DAB1: variants seen among roughly 807,000 people sequenced by gnomAD.
DAB1 encodes disabled homolog 1.
A neutral mutation model predicts 64.6 loss-of-function variants in DAB1; 15 were observed. That is an observed-to-expected ratio of 0.23 (90% confidence interval 0.16 to 0.36). The LOEUF (loss-of-function observed/expected upper bound fraction) is 0.36. DAB1 is among the 10% of genes least tolerant of loss of function. DAB1 has a pLI of 1.00. For synonymous variants in DAB1, 235 were observed against 251.9 expected (o/e 0.93, Z 0.64); for missense variants, 596 against 706.7 (o/e 0.84, Z 1.78).
chr1:57,020,132 T>C (rs112986234), intron 11 of DAB1, among the ~76,000 whole-genome samples: 3 of 152,196 alleles, frequency 2.0e-5, no homozygotes, highest in African/African-American at 7.2e-5. Context: ...TCTTACCCTG[T>C]GCAGCTTACA....
At chr1:57,494,598 T>C (rs1644207413) in intron 7 of DAB1, among the ~76,000 whole-genome samples, 1 of 152,214 alleles carries the variant, frequency 6.6e-6, no homozygotes, top group Non-Finnish European at 1.5e-5. Context: ...GGGCTGCTCC[T>C]CGAGGTAAAC....
chr1:57,563,957 G>A (rs1254706526), intron 7 of DAB1, among the ~76,000 whole-genome samples: 1 of 152,128 alleles, frequency 6.6e-6, no homozygotes, highest in Non-Finnish European at 1.5e-5. Context: ...TCCCAGCAAG[G>A]AGTTTGAGAT....
chr1:57,965,440 G>A (rs17486734), intron 5 of DAB1, among the ~76,000 whole-genome samples: 10,064 of 152,118 alleles, frequency 0.066, 472 homozygotes, highest in Non-Finnish European at 0.089. Context: ...TGGCCTCTTC[G>A]TAACAAAATC....
At chr1:57,395,846 CT>C (rs1392443104) in intron 1 of DAB1, among the ~76,000 whole-genome samples, 14 of 151,876 alleles carry the variant, frequency 9.2e-5, no homozygotes, top group African/African-American at 3.4e-4. Flanking sequence ...GGCTATCTGA[CT>C]CAATTTTACT....
At chr1:57,593,245 T>A (rs1645467118) in intron 7 of DAB1, among the ~76,000 whole-genome samples, 1 of 152,216 alleles carries the variant, frequency 6.6e-6, no homozygotes. Context: ...TTCATATAAG[T>A]GGAATTATGC....
intron 5 of DAB1, among the ~76,000 whole-genome samples, chr1:57,913,165 G>C (rs1018411030): frequency 6.6e-6 from 1 of 152,232 alleles, no homozygotes. Flanking sequence ...CACAAAGCTG[G>C]AGGCATCATG....
At chr1:57,618,096 C>T (rs990456383) in intron 7 of DAB1, among the ~76,000 whole-genome samples, 2 of 152,198 alleles carry the variant, frequency 1.3e-5, no homozygotes, top group East Asian at 1.9e-4. Flanking sequence ...GCAGACTCCA[C>T]TGATACAGGA....
intron 7 of DAB1, among the ~76,000 whole-genome samples, chr1:57,487,233 A>C (rs915629375): frequency 1.1e-4 from 17 of 152,310 alleles, no homozygotes; most frequent in Admixed American, 9.8e-4. Context: ...GACCTGAGTG[A>C]TACCCACTGG....
intron 1 of DAB1, among the ~76,000 whole-genome samples, chr1:57,421,905 G>GC (rs1684923570): frequency 2.0e-5 from 2 of 100,432 alleles, no homozygotes; most frequent in Non-Finnish European, 4.3e-5. Flanking sequence ...GGGGTGGCGG[G>GC]GGGGGGGGTG....
chr1:57,538,681 T>C (rs1644759769), intron 7 of DAB1, among the ~76,000 whole-genome samples: 2 of 152,168 alleles, frequency 1.3e-5, no homozygotes, highest in South Asian at 2.1e-4. Flanking sequence ...CTCCAGCCAG[T>C]TGTCAGAAGA....
At chr1:58,461,378 G>C (rs1645241061) in intron 3 of DAB1, among the ~76,000 whole-genome samples, 1 of 152,132 alleles carries the variant, frequency 6.6e-6, no homozygotes, top group Non-Finnish European at 1.5e-5. Flanking sequence ...CTTTTAATGT[G>C]ATTGAAACTT....
At chr1:57,275,582 C>T (rs867588111) in intron 2 of DAB1, among the ~76,000 whole-genome samples, 2 of 152,126 alleles carry the variant, frequency 1.3e-5, no homozygotes, top group Non-Finnish European at 2.9e-5. Context: ...TACATTTCAT[C>T]GCATTAAAAC....
intron 5 of DAB1, chr1:58,049,054 C>T (rs1192505446): frequency 6.4e-6 from 5 of 784,660 alleles, no homozygotes; most frequent in South Asian, 1.3e-5. Context: ...ACTCTTCCAC[C>T]CACCTTGTGT....
At chr1:57,787,514 T>G (rs1214860944) in intron 6 of DAB1, among the ~76,000 whole-genome samples, 1 of 151,904 alleles carries the variant, frequency 6.6e-6, no homozygotes, top group Non-Finnish European at 1.5e-5. Flanking sequence ...AAAAATTAAT[T>G]AAAAGAGATC....
chr1:58,339,619 C>A (rs1663203557), intron 4 of DAB1, among the ~76,000 whole-genome samples: 1 of 152,202 alleles, frequency 6.6e-6, no homozygotes, highest in South Asian at 2.1e-4. Context: ...AAATTTATTT[C>A]TCCTCATATA....
intron 3 of DAB1, among the ~76,000 whole-genome samples, chr1:58,429,323 A>C (rs1175035164): frequency 6.6e-6 from 1 of 152,222 alleles, no homozygotes. Context: ...AGACTGGATG[A>C]GAACATCAAG....
intron 6 of DAB1, among the ~76,000 whole-genome samples, chr1:57,781,110 C>CTG (rs1557476869): frequency 1.1e-4 from 7 of 61,748 alleles, no homozygotes; most frequent in Non-Finnish European, 2.2e-4. Flanking sequence ...CTCTCTCTCT[C>CTG]TCTCTCTCTC....
At chr1:57,729,020 T>C (rs907384516) in intron 6 of DAB1, among the ~76,000 whole-genome samples, 2 of 152,254 alleles carry the variant, frequency 1.3e-5, no homozygotes, top group African/African-American at 4.8e-5. Flanking sequence ...TCATTGCAGA[T>C]AATAGCTTTA....
At chr1:57,802,426 G>A (rs2101874149) in intron 6 of DAB1, among the ~76,000 whole-genome samples, 1 of 152,308 alleles carries the variant, frequency 6.6e-6, no homozygotes, top group Admixed American at 6.5e-5. Flanking sequence ...ACCTAAAGGG[G>A]AAGGAGTGGA....
Sources: gnomAD v4.1 joint callset for allele counts (sites outside exome capture counted in the v4.1 genomes callset) on GRCh38, gnomAD v4.1.1 for gene constraint, MANE v1.5 for transcripts, NCBI Gene and HGNC (gene_info 2026-07-23, HGNC 2026-07-21) for gene names.